GAS2L3: variants seen among roughly 807,000 people sequenced by gnomAD.
The protein encoded by GAS2L3 is growth arrest specific 2 like 3.
Under a neutral mutation model 37.0 loss-of-function variants are expected in GAS2L3, and 28 were observed. That is an observed-to-expected ratio of 0.76 (90% confidence interval 0.56 to 1.04). GAS2L3 has a LOEUF of 1.04. Among genes scored for constraint, GAS2L3 ranks in the 50% least tolerant of loss-of-function variants. The probability of loss-of-function intolerance (pLI) is 0.00; values close to 1 mark genes in which losing one functional copy is unlikely to be tolerated. For synonymous variants in GAS2L3, 290 were observed against 296.6 expected, an observed-to-expected ratio of 0.98 and a Z score of 0.23; for missense variants, 793 against 817.6, an observed-to-expected ratio of 0.97 and a Z score of 0.37.
intron 1 of GAS2L3, among the ~76,000 whole-genome samples, chr12:100,581,491 A>T (rs1458888778): frequency 6.6e-6 from 1 of 152,244 alleles, no homozygotes; most frequent in Non-Finnish European, 1.5e-5. Flanking sequence ...TATTGTGATT[A>T]TGAGATTTTA....
At chr12:100,596,375 A>G (rs1245138303) in intron 3 of GAS2L3, among the ~76,000 whole-genome samples, 1 of 151,870 alleles carries the variant, frequency 6.6e-6, no homozygotes, top group Non-Finnish European at 1.5e-5. Flanking sequence ...TTTCTACACT[A>G]ATGGCCATTT....
At chr12:100,620,317 AAC>A (rs760813454) in intron 8 of GAS2L3, among the ~76,000 whole-genome samples, 1 of 152,054 alleles carries the variant, frequency 6.6e-6, no homozygotes, top group African/African-American at 2.4e-5. Context: ...CATATAGACA[AAC>A]TGTATAGAAA....
In GAS2L3 at chr12:100,594,895, ATAGG is replaced by A. The variant is rs1955891645; in HGVS notation, c.-8_-5del. 1 of 1,341,246 alleles carries A rather than the reference ATAGG, an allele frequency of 7.5e-7. No individual in the cohort carries two copies. The highest frequency in any genetic ancestry group is 1.0e-6 in the Non-Finnish European group (1 of 988,472). 83.1% of individuals were successfully genotyped at this position (1,341,246 alleles called of 1,614,324 possible). A position where few individuals can be genotyped will look rare whatever the true frequency, so the allele number is the denominator to read the frequency against. ...TTCAGAAAAGAAATTTCATTTCAAT[ATAGG>A]TGACTATGCAGCCTGCAATTCAAGT... On this transcript the variant is annotated 5_prime_UTR_variant, in exon 3 of 10. In the 5' UTR this introduces an upstream ATG that the reference lacks. Transcript: ENST00000547754.
rs377156460 is a variant in GAS2L3, at chr12:100,578,851, T to C, written c.-152+5066T>C. 1.9e-5 allele frequency: 14 copies of C among 727,022 alleles called. No individual in the cohort carries two copies. In the African/African-American group the frequency reaches 2.1e-4, roughly 11 times the overall value. 45.0% of individuals were successfully genotyped at this position (727,022 alleles called of 1,614,324 possible). ...GTAGAACCCATACCCATAATATATGTATGGCATCTGACTTTTTCTACCCAA... is the reference window on the plus strand; with the variant it reads ...GTAGAACCCATACCCATAATATATGCATGGCATCTGACTTTTTCTACCCAA... On this transcript the variant is annotated intron_variant, in intron 1 of 9. Coordinates refer to ENST00000547754, the MANE Select transcript of GAS2L3 (RefSeq NM_174942.3).
At chr12:100,579,567 G>A in intron 1 of GAS2L3, 2 of 773,508 alleles carry the variant, frequency 2.6e-6, no homozygotes, top group African/African-American at 1.7e-5. Context: ...AGAAGTTCCG[G>A]AAAGATACCA....
At chr12:100,575,828 A>G (rs1188096972) in intron 1 of GAS2L3, among the ~76,000 whole-genome samples, 1 of 152,156 alleles carries the variant, frequency 6.6e-6, no homozygotes, top group Non-Finnish European at 1.5e-5. Flanking sequence ...AAGGGAAATC[A>G]CTTACTAGGG....
chr12:100,588,899 C>T (rs530326119), intron 1 of GAS2L3, among the ~76,000 whole-genome samples: 2 of 152,230 alleles, frequency 1.3e-5, no homozygotes, highest in East Asian at 3.9e-4. Flanking sequence ...GCAGTCAGAC[C>T]TTATGCTTGT....
intron 1 of GAS2L3, among the ~76,000 whole-genome samples, chr12:100,576,198 C>T (rs1346722976): frequency 6.6e-6 from 1 of 152,002 alleles, no homozygotes; most frequent in Non-Finnish European, 1.5e-5. Context: ...AGTATCTCCT[C>T]ATTTATATTT....
intron 6 of GAS2L3, among the ~76,000 whole-genome samples, chr12:100,613,598 C>CT (rs1230483335): frequency 0.014 from 1,977 of 141,086 alleles, 22 homozygotes; most frequent in Non-Finnish European, 0.021. Flanking sequence ...CCATTTCTTT[C>CT]TTTTTTTTTT....
intron 6 of GAS2L3, among the ~76,000 whole-genome samples, chr12:100,613,738 G>T (rs1362778206): frequency 6.6e-6 from 1 of 152,050 alleles, no homozygotes; most frequent in Non-Finnish European, 1.5e-5. Flanking sequence ...GGGACTACAG[G>T]CACCTGCCAC....
intron 1 of GAS2L3, among the ~76,000 whole-genome samples, chr12:100,591,257 C>A (rs1039603095): frequency 6.6e-6 from 1 of 151,940 alleles, no homozygotes; most frequent in Admixed American, 6.6e-5. Flanking sequence ...AATAAATAAG[C>A]GTATACCACA....
rs1956348785 is a variant in GAS2L3, at chr12:100,628,051, A to AG, written c.*3162dup. ...TGGAGTTTGTCATTCTTTATGGATAAGAGAACTTAAGGAAAAGTTACTGTT... is the reference window on the plus strand; with the variant it reads ...TGGAGTTTGTCATTCTTTATGGATAAGGAGAACTTAAGGAAAAGTTACTGTT... On this transcript the variant is annotated 3_prime_UTR_variant, in exon 10 of 10. Transcript: ENST00000547754. The AG allele has an allele frequency of 1.3e-5, 2 of 152,200 alleles. No homozygotes were observed. Among genetic ancestry groups the AG allele is most frequent in the South Asian group, 4.1e-4 (2 of 4,834 alleles). 9.4% of individuals were successfully genotyped at this position (152,200 alleles called of 1,614,324 possible). A position where few individuals can be genotyped will look rare whatever the true frequency, so the allele number is the denominator to read the frequency against.
intron 1 of GAS2L3, among the ~76,000 whole-genome samples, chr12:100,586,068 G>A (rs1048662306): frequency 2.0e-5 from 3 of 151,864 alleles, no homozygotes; most frequent in Admixed American, 1.3e-4. Flanking sequence ...AGATCATGTC[G>A]CTACTCTCTT....
chr12:100,575,186 G>GC (rs1171624137), intron 1 of GAS2L3, among the ~76,000 whole-genome samples: 1 of 152,050 alleles, frequency 6.6e-6, no homozygotes, highest in Non-Finnish European at 1.5e-5. Context: ...TTAGCACAGT[G>GC]CCTGATACAT....
At chr12:100,590,490 G>C (rs1955832543) in intron 1 of GAS2L3, among the ~76,000 whole-genome samples, 1 of 152,162 alleles carries the variant, frequency 6.6e-6, no homozygotes, top group Non-Finnish European at 1.5e-5. Context: ...TAGTACAGAT[G>C]CTGTGGAAAA....
chr12:100,612,063 G>T lies in GAS2L3; in HGVS notation c.367G>T (p.Asp123Tyr). The change falls in exon 6 of 10, where the codon GAC becomes TAC. Residue 123 changes from aspartate to tyrosine, a missense_variant. Coordinates refer to ENST00000547754, the MANE Select transcript of GAS2L3 (RefSeq NM_174942.3). ...TGCATCAGGTTCATTCTTTGCTCGG[G>T]ACAATACCGCAAACTTCCTTCACTG... is the stretch of plus-strand genomic sequence containing the variant. ...DAASGSFFAR[D>Y]NTANFLHWCR... 6.2e-7 allele frequency: 1 copy of T among 1,611,436 alleles called. No individual in the cohort carries two copies. Among genetic ancestry groups the T allele is most frequent in the Non-Finnish European group, 8.5e-7 (1 of 1,177,582 alleles).
At chr12:100,590,252 C>T (rs988770468) in intron 1 of GAS2L3, among the ~76,000 whole-genome samples, 22 of 152,030 alleles carry the variant, frequency 1.4e-4, no homozygotes, top group Non-Finnish European at 2.4e-4. Flanking sequence ...AAAAACTGGG[C>T]TAAGGACATG....
At chr12:100,582,881 A>G (rs977173571) in intron 1 of GAS2L3, among the ~76,000 whole-genome samples, 16 of 152,134 alleles carry the variant, frequency 1.1e-4, no homozygotes, top group African/African-American at 3.9e-4. Context: ...TGACACCTGC[A>G]TATTCCTTGG....
intron 1 of GAS2L3, among the ~76,000 whole-genome samples, chr12:100,586,302 T>C (rs1260776065): frequency 6.6e-6 from 1 of 152,206 alleles, no homozygotes; most frequent in Admixed American, 6.5e-5. Flanking sequence ...CGCATGGAAC[T>C]TTCTCCAAGA....
Sources: gnomAD v4.1 joint callset for allele counts (sites outside exome capture counted in the v4.1 genomes callset) on GRCh38, gnomAD v4.1.1 for gene constraint, MANE v1.5 for transcripts, NCBI Gene and HGNC (gene_info 2026-07-23, HGNC 2026-07-21) for gene names.